Variants in CCDC136 observed in about 807,000 individuals in gnomAD.
CCDC136 encodes coiled-coil domain-containing protein 136.
CCDC136 carries 100 observed loss-of-function variants against 141.2 expected under a neutral mutation model. The observed-to-expected ratio is 0.71, with a 90% confidence interval of 0.60 to 0.84. CCDC136 has a LOEUF of 0.84. Ranked by LOEUF, CCDC136 falls within the 40% of genes least tolerant of loss-of-function variation. CCDC136 has a pLI of 0.00. For missense variants in CCDC136, 1,206 were observed against 1,379.4 expected, an observed-to-expected ratio of 0.87 and a Z score of 1.99; for synonymous variants, 474 against 531.9, an observed-to-expected ratio of 0.89 and a Z score of 1.50.
intron 3 of CCDC136, among the ~76,000 whole-genome samples, chr7:128,799,452 A>G (rs1803645935): frequency 6.6e-6 from 1 of 151,916 alleles, no homozygotes; most frequent in Non-Finnish European, 1.5e-5. Flanking sequence ...TTATGCATGA[A>G]TACATCAAAT....
chr7:128,810,034 A>G lies in CCDC136; in HGVS notation c.1801-105A>G, dbSNP rs1234670248. ...TGGGCTCTGTGAAGTCAACCCTGAG[A>G]TTCTTCAGGGAATTGTTCACAACGG... is the stretch of plus-strand genomic sequence containing the variant. On this transcript the variant is annotated intron_variant, in intron 11 of 17. Coordinates refer to ENST00000297788, the MANE Select transcript of CCDC136 (RefSeq NM_022742.5). The G allele has an allele frequency of 8.4e-6, 6 of 711,502 alleles. No homozygotes were observed. In the East Asian group the frequency reaches 1.6e-4, roughly 19 times the overall value. 44.1% of individuals were successfully genotyped at this position (711,502 alleles called of 1,614,324 possible). A position where few individuals can be genotyped will look rare whatever the true frequency, so the allele number is the denominator to read the frequency against.
intron 1 of CCDC136, among the ~76,000 whole-genome samples, chr7:128,793,768 C>A (rs1480098483): frequency 2.0e-5 from 3 of 152,130 alleles, no homozygotes; most frequent in Admixed American, 2.0e-4. Context: ...TACTACCACG[C>A]CCAGCTAATT....
Position 128,792,364 on chromosome 7 carries a change from T to A in CCDC136, c.-48T>A. 6 of 1,557,568 alleles carry A rather than the reference T, an allele frequency of 3.9e-6. No individual in the cohort carries two copies. The highest frequency in any genetic ancestry group is 5.2e-6 in the Non-Finnish European group (6 of 1,147,054). ...AGGCTCCTATGAGGCTTCCGAGGGCTGTGAGAGGAAGAAGGGCCAACGCTG... is the reference window on the plus strand; with the variant it reads ...AGGCTCCTATGAGGCTTCCGAGGGCAGTGAGAGGAAGAAGGGCCAACGCTG... On this transcript the variant is annotated 5_prime_UTR_variant, in exon 1 of 18. Coordinates refer to ENST00000297788, the MANE Select transcript of CCDC136 (RefSeq NM_022742.5).
chr7:128,821,858 T>C lies in CCDC136; in HGVS notation c.*65T>C. ...TGGCTATTGCAGCTGTGGCTCTGTATGTGTTACCCAACATGCGACAGCAGG... is the reference window on the plus strand; with the variant it reads ...TGGCTATTGCAGCTGTGGCTCTGTACGTGTTACCCAACATGCGACAGCAGG... On this transcript the variant is annotated 3_prime_UTR_variant, in exon 18 of 18. Coordinates refer to ENST00000297788, the MANE Select transcript of CCDC136 (RefSeq NM_022742.5). The surrounding 1 kb of genome is among the most constrained non-coding windows in gnomAD (Gnocchi z 5.1). The C allele has an allele frequency of 7.8e-7, 1 of 1,290,270 alleles. No individual in the cohort carries two copies. The highest frequency in any genetic ancestry group is 1.0e-6 in the Non-Finnish European group (1 of 988,978). The allele number at this position is 1,290,270 out of a possible 1,614,324, so 79.9% of individuals were successfully genotyped here.
chr7:128,796,390 C>CGTGG lies in CCDC136; in HGVS notation c.346+1622_346+1623insGTGG, dbSNP rs1802951518. On this transcript the variant is annotated intron_variant, in intron 3 of 17. Coordinates refer to ENST00000297788, the MANE Select transcript of CCDC136 (RefSeq NM_022742.5). ...ATTTGTTTGAGCGACAGAACAGAGG[C>CGTGG]CACTGTGTTTGCAGCAAAGTGCACG... 2.6e-5 allele frequency among the ~76,000 whole-genome samples: 4 copies of CGTGG among 152,036 alleles called. No individual in the cohort carries two copies. In the South Asian group the frequency reaches 8.3e-4, roughly 32 times the overall value.
At position 128,792,104 on chromosome 7, in the gene CCDC136, T is replaced by G; in HGVS notation, c.-308T>G. 7.2e-7 allele frequency: 1 copy of G among 1,383,502 alleles called. No individual in the cohort carries two copies. Among genetic ancestry groups the G allele is most frequent in the Non-Finnish European group, 9.3e-7 (1 of 1,072,352 alleles). 85.7% of individuals were successfully genotyped at this position (1,383,502 alleles called of 1,614,324 possible). A position where few individuals can be genotyped will look rare whatever the true frequency, so the allele number is the denominator to read the frequency against. On this transcript the variant is annotated 5_prime_UTR_variant, in exon 1 of 18. Coordinates refer to ENST00000297788, the MANE Select transcript of CCDC136 (RefSeq NM_022742.5). ...CTTTCTTTCTGTGCAAGCAAGAGGG[T>G]CCTGGAACAGCGGGTTCTGAGGAGG...
At chr7:128,795,536 G>A (rs1307204601) in intron 3 of CCDC136, among the ~76,000 whole-genome samples, 1 of 151,958 alleles carries the variant, frequency 6.6e-6, no homozygotes, top group Admixed American at 6.6e-5. Context: ...AAGCAGAGGT[G>A]TAAGTGGGGA....
In CCDC136 at chr7:128,814,702, AG is replaced by A; in HGVS notation, c.2832del (p.Arg945GlyfsTer4). 1 of 1,613,400 alleles carries A rather than the reference AG, an allele frequency of 6.2e-7. No homozygotes were observed. Among genetic ancestry groups the A allele is most frequent in the African/African-American group, 1.3e-5 (1 of 75,042 alleles). ...QLQYQASMDE[Q>X]GRLLVVQEQL... ...CAATACCAGGCTAGCATGGATGAGC[AG>A]GGGCGGCTTCTGGTAGTGCAGGAGC... On this transcript the variant is annotated frameshift_variant, in exon 15 of 18. Coordinates refer to ENST00000297788, the MANE Select transcript of CCDC136 (RefSeq NM_022742.5). LOFTEE classifies it high-confidence loss of function.
intron 16 of CCDC136, among the ~76,000 whole-genome samples, chr7:128,816,434 C>G (rs1385916125): frequency 6.6e-6 from 1 of 152,092 alleles, no homozygotes; most frequent in East Asian, 1.9e-4. Flanking sequence ...CATGTTGCCC[C>G]CTGGATTCTG....
chr7:128,808,281 C>T (rs1805175886), intron 10 of CCDC136, among the ~76,000 whole-genome samples: 1 of 152,200 alleles, frequency 6.6e-6, no homozygotes, highest in Non-Finnish European at 1.5e-5. Flanking sequence ...AGGTGATCCA[C>T]CTGCCTCGGC....
intron 15 of CCDC136, among the ~76,000 whole-genome samples, chr7:128,815,174 A>G (rs370426647): frequency 1.1e-3 from 170 of 152,328 alleles, no homozygotes; most frequent in African/African-American, 3.9e-3. Context: ...TAGGCTGGAC[A>G]ACTCCTTCAG....
intron 16 of CCDC136, 117 bp downstream of exon 16, chr7:128,816,048 C>A: frequency 1.0e-6 from 1 of 975,910 alleles, no homozygotes. Flanking sequence ...GCCTCGCGCT[C>A]TAAGGCACAA....
At chr7:128,809,076 T>A (rs1307376655) in intron 10 of CCDC136, 3 of 603,808 alleles carry the variant, frequency 5.0e-6, no homozygotes, top group Non-Finnish European at 6.3e-6. Flanking sequence ...TTAATGAGAA[T>A]AACAGGAGCT....
At position 128,806,221 on chromosome 7, in the gene CCDC136, A is replaced by G; in HGVS notation, c.1090-16A>G. On this transcript the variant is annotated splice_polypyrimidine_tract_variant and intron_variant, in intron 7 of 17. Transcript: ENST00000297788. ...TCTTGAGAGTAACTGTTCTACTCAC[A>G]TCCTCCCTACCACAGAATGAGGAGC... 2 of 1,542,708 alleles carry G rather than the reference A, an allele frequency of 1.3e-6. No individual in the cohort carries two copies. Among genetic ancestry groups the G allele is most frequent in the Non-Finnish European group, 1.8e-6 (2 of 1,139,472 alleles).
At chr7:128,814,317 C>T (rs945593015) in intron 14 of CCDC136, among the ~76,000 whole-genome samples, 4 of 152,094 alleles carry the variant, frequency 2.6e-5, no homozygotes, top group African/African-American at 9.7e-5. Flanking sequence ...AACTCCTGAC[C>T]TCAAGTGATC....
chr7:128,806,938 A>G (rs1463605467), intron 9 of CCDC136, 80 bp downstream of exon 9: 1 of 1,427,080 alleles, frequency 7.0e-7, no homozygotes, highest in East Asian at 2.4e-5. Flanking sequence ...ACGAGAGGGA[A>G]TGGTAGGAGT....
In CCDC136 at chr7:128,796,739, A is replaced by ATATATATATATATTT; in HGVS notation, c.346+1972_346+1973insATATATATATATTTT. On this transcript the variant is annotated intron_variant, in intron 3 of 17. Coordinates refer to ENST00000297788, the MANE Select transcript of CCDC136 (RefSeq NM_022742.5). ...TGATTCAGAATATATATATATATAT[A>ATATATATATATATTT]TTCTTTTTTTTTTTTTTTTTGAGAC... Among the ~76,000 whole-genome samples, 23 of 113,370 alleles carry ATATATATATATATTT rather than the reference A, an allele frequency of 2.0e-4. 1 individual carries two copies. Among genetic ancestry groups the ATATATATATATATTT allele is most frequent in the East Asian group, 7.1e-4 (2 of 2,804 alleles). 74.4% of individuals were successfully genotyped at this position (113,370 alleles called of 152,430 possible).
intron 3 of CCDC136, among the ~76,000 whole-genome samples, chr7:128,796,739 A>ATATATATTTTT: frequency 2.6e-5 from 3 of 113,372 alleles, no homozygotes; most frequent in African/African-American, 9.2e-5. Context: ...ATATATATAT[A>ATATATATTTTT]TTCTTTTTTT....
In CCDC136 at chr7:128,809,432, A is replaced by ACCCCCCC; in HGVS notation, c.1606-15_1606-14insCCCCCCC. 4 of 1,253,174 alleles carry ACCCCCCC rather than the reference A, an allele frequency of 3.2e-6. No individual in the cohort carries two copies. The highest frequency in any genetic ancestry group is 2.1e-5 in the Admixed American group (1 of 47,616). The allele number at this position is 1,253,174 out of a possible 1,614,324, so 77.6% of individuals were successfully genotyped here. On this transcript the variant is annotated splice_polypyrimidine_tract_variant and intron_variant, in intron 10 of 17. Transcript: ENST00000297788. The stretch of plus-strand genomic sequence containing the variant: ...CTTACAGAGTAACCACCCCCTCCAC[A>ACCCCCCC]CCCGCCCCCACCCACAGTGTGACAC...
Sources: allele counts gnomAD v4.1 joint callset (sites outside exome capture counted in the v4.1 genomes callset), GRCh38; gene constraint gnomAD v4.1.1; non-coding constraint Gnocchi (gnomAD v3.1); transcripts MANE v1.5; gene names NCBI Gene and HGNC (gene_info 2026-07-23, HGNC 2026-07-21).